The following GLCCI1 variants were observed in gnomAD, a reference collection of about 807,000 sequenced individuals.
GLCCI1 encodes glucocorticoid induced 1.
In GLCCI1, 24 loss-of-function variants were observed where a neutral mutation model predicts 52.2. That is an observed-to-expected ratio of 0.46 (90% CI 0.33 to 0.65). GLCCI1 has a LOEUF of 0.65. Among genes scored for constraint, GLCCI1 ranks in the 30% least tolerant of loss-of-function variants. The probability of loss-of-function intolerance (pLI) is 0.02; values close to 1 mark genes in which losing one functional copy is unlikely to be tolerated. For synonymous variants in GLCCI1, 310 were observed against 276.5 expected, an observed-to-expected ratio of 1.12 and a Z score of -1.20; for missense variants, 704 against 701.5, an observed-to-expected ratio of 1.00 and a Z score of -0.04.
At chr7:8,081,185 T>TAA (rs1782987057) in intron 6 of GLCCI1, among the ~76,000 whole-genome samples, 1 of 152,062 alleles carries the variant, frequency 6.6e-6, no homozygotes, top group Non-Finnish European at 1.5e-5. Flanking sequence ...ACGTGGGAGC[T>TAA]TTACCCCCCA....
chr7:8,083,010 A>G (rs13235089), intron 6 of GLCCI1, among the ~76,000 whole-genome samples: 1 of 152,178 alleles, frequency 6.6e-6, no homozygotes, highest in Non-Finnish European at 1.5e-5. Context: ...AATGGTATCA[A>G]GCTGATGCTA....
intron 1 of GLCCI1, among the ~76,000 whole-genome samples, chr7:7,984,696 A>G (rs1018025141): frequency 3.3e-5 from 5 of 152,240 alleles, no homozygotes; most frequent in Non-Finnish European, 5.9e-5. Context: ...TATTAACTGA[A>G]TAGTGTAATT....
intron 5 of GLCCI1, among the ~76,000 whole-genome samples, chr7:8,067,679 C>G (rs1046155471): frequency 2.6e-5 from 4 of 152,168 alleles, no homozygotes; most frequent in African/African-American, 7.2e-5. Context: ...AGGCTCCAAT[C>G]TCTTTTGGCT....
At chr7:7,976,606 G>A (rs1562413295) in intron 1 of GLCCI1, among the ~76,000 whole-genome samples, 1 of 151,048 alleles carries the variant, frequency 6.6e-6, no homozygotes, top group Admixed American at 6.6e-5. Context: ...TGTCTACCAG[G>A]TTATTAGAAT....
At chr7:8,052,757 G>C (rs1369939251) in intron 3 of GLCCI1, among the ~76,000 whole-genome samples, 7 of 152,170 alleles carry the variant, frequency 4.6e-5, no homozygotes, top group Non-Finnish European at 1.0e-4. Context: ...AGGACACCAG[G>C]TCTCTTGCTA....
intron 5 of GLCCI1, among the ~76,000 whole-genome samples, chr7:8,068,243 A>G (rs1782676990): frequency 6.6e-6 from 1 of 152,116 alleles, no homozygotes; most frequent in Non-Finnish European, 1.5e-5. Flanking sequence ...CCAGCTACTC[A>G]GGAGGCTGAG....
At chr7:8,055,600 G>C (rs1345801387) in intron 4 of GLCCI1, 51 bp downstream of exon 4, 1 of 1,050,346 alleles carries the variant, frequency 9.5e-7, no homozygotes, top group Non-Finnish European at 1.5e-6. Context: ...GTTCATTAAG[G>C]AAGGGAATTC....
chr7:8,012,764 T>C (rs1390368653), intron 2 of GLCCI1, among the ~76,000 whole-genome samples: 2 of 152,150 alleles, frequency 1.3e-5, no homozygotes, highest in East Asian at 3.8e-4. Flanking sequence ...TTTTATTCTT[T>C]TGATAGTGTA....
At chr7:8,060,274 C>A in intron 5 of GLCCI1, 26 bp downstream of exon 5, 2 of 1,580,816 alleles carry the variant, frequency 1.3e-6, no homozygotes, top group Non-Finnish European at 1.7e-6. Context: ...ATATTTGAAT[C>A]CTTTTTTTCT....
At chr7:8,068,057 TA>T (rs34523186) in intron 5 of GLCCI1, among the ~76,000 whole-genome samples, 1 of 152,072 alleles carries the variant, frequency 6.6e-6, no homozygotes, top group Non-Finnish European at 1.5e-5. Context: ...TTATTCTTTT[TA>T]AAAAAAATTT....
chr7:8,071,899 C>T (rs1314032854), intron 6 of GLCCI1, among the ~76,000 whole-genome samples: 1 of 152,176 alleles, frequency 6.6e-6, no homozygotes, highest in East Asian at 1.9e-4. Context: ...AATTGTAAAA[C>T]TATAAAAAGT....
chr7:8,077,382 T>C (rs991546497), intron 6 of GLCCI1, among the ~76,000 whole-genome samples: 2 of 152,158 alleles, frequency 1.3e-5, no homozygotes, highest in Non-Finnish European at 1.5e-5. Context: ...GAATATTAGA[T>C]TGGAAGGAAC....
chr7:8,052,095 C>T (rs929005144), intron 3 of GLCCI1, among the ~76,000 whole-genome samples: 4 of 152,052 alleles, frequency 2.6e-5, no homozygotes, highest in African/African-American at 7.2e-5. Flanking sequence ...TAGATGTAGC[C>T]CCATTAGCAT....
intron 1 of GLCCI1, among the ~76,000 whole-genome samples, chr7:7,999,531 C>T (rs753092956): frequency 2.6e-5 from 4 of 152,156 alleles, no homozygotes; most frequent in Non-Finnish European, 5.9e-5. Context: ...AGCTTGAGCC[C>T]AGGAGTTCCA....
At chr7:7,995,370 C>A (rs933275358) in intron 1 of GLCCI1, among the ~76,000 whole-genome samples, 5 of 151,954 alleles carry the variant, frequency 3.3e-5, no homozygotes, top group Non-Finnish European at 4.4e-5. Context: ...ATTAGCTGGG[C>A]GTGGTAGCAT....
At chr7:8,060,950 C>G (rs1428673602) in intron 5 of GLCCI1, among the ~76,000 whole-genome samples, 2 of 152,090 alleles carry the variant, frequency 1.3e-5, no homozygotes, top group African/African-American at 2.4e-5. Flanking sequence ...ATAAGAATTC[C>G]AGTTTCTCTG....
intron 2 of GLCCI1, among the ~76,000 whole-genome samples, chr7:8,016,455 C>T (rs990242862): frequency 3.9e-5 from 6 of 152,094 alleles, no homozygotes; most frequent in East Asian, 1.9e-4. Context: ...GACGACAGAG[C>T]GAGACTCCAT....
intron 1 of GLCCI1, among the ~76,000 whole-genome samples, chr7:7,975,492 C>T (rs1780445087): frequency 6.6e-6 from 1 of 152,134 alleles, no homozygotes; most frequent in African/African-American, 2.4e-5. Flanking sequence ...CTTCTCATTC[C>T]AGATCCAGTG....
chr7:8,057,124 T>C (rs2127959634), intron 4 of GLCCI1, among the ~76,000 whole-genome samples: 1 of 152,330 alleles, frequency 6.6e-6, no homozygotes, highest in African/African-American at 2.4e-5. Context: ...ACAACTACTT[T>C]GGCAAACATT....
Sources: gnomAD v4.1 joint callset for allele counts (sites outside exome capture counted in the v4.1 genomes callset) on GRCh38, gnomAD v4.1.1 for gene constraint, MANE v1.5 for transcripts, NCBI Gene and HGNC (gene_info 2026-07-23, HGNC 2026-07-21) for gene names.